MS4A4A: variants seen among roughly 807,000 people sequenced by gnomAD.
MS4A4A encodes membrane-spanning 4-domains subfamily A member 4A.
MS4A4A carries 26 observed loss-of-function variants against 28.0 expected under a neutral mutation model. The observed-to-expected ratio is 0.93, with a 90% CI of 0.68 to 1.29. The LOEUF (loss-of-function observed/expected upper bound fraction) is 1.29, where lower values mean the gene tolerates loss of function less well. Among genes scored for constraint, MS4A4A ranks in the 50% most tolerant of loss-of-function variants. The pLI is 0.00. For synonymous variants in MS4A4A, 86 were observed against 100.8 expected, an observed-to-expected ratio of 0.85 and a Z score of 0.88; for missense variants, 290 against 293.1, an observed-to-expected ratio of 0.99 and a Z score of 0.08.
intron 1 of MS4A4A, among the ~76,000 whole-genome samples, chr11:60,284,147 C>T (rs1188998596): frequency 3.3e-5 from 5 of 152,188 alleles, no homozygotes; most frequent in Non-Finnish European, 5.9e-5. Context: ...TAAATTTTGG[C>T]CCTGCCACTG....
At chr11:60,300,091 T>C (rs2084938734) in intron 3 of MS4A4A, among the ~76,000 whole-genome samples, 1 of 152,192 alleles carries the variant, frequency 6.6e-6, no homozygotes, top group Admixed American at 6.5e-5. Context: ...TTTTATTAGT[T>C]CTGTATTTTT....
intron 6 of MS4A4A, among the ~76,000 whole-genome samples, chr11:60,306,759 G>T (rs957310750): frequency 1.3e-5 from 2 of 152,188 alleles, no homozygotes; most frequent in Non-Finnish European, 2.9e-5. Flanking sequence ...CCCTCGAAGT[G>T]CATAACCTCT....
intron 1 of MS4A4A, 110 bp from the exon 2 acceptor site, chr11:60,292,115 G>A: frequency 7.7e-7 from 1 of 1,306,258 alleles, no homozygotes; most frequent in Non-Finnish European, 1.0e-6. Flanking sequence ...TTATGATATG[G>A]GAAGAGAATG....
intron 3 of MS4A4A, among the ~76,000 whole-genome samples, chr11:60,300,024 T>C (rs2084938244): frequency 6.6e-6 from 1 of 152,230 alleles, no homozygotes; most frequent in Non-Finnish European, 1.5e-5. Flanking sequence ...GTGATTTAGA[T>C]ATCATGAATC....
At chr11:60,281,973 A>G (rs2084758487) in intron 1 of MS4A4A, among the ~76,000 whole-genome samples, 1 of 152,196 alleles carries the variant, frequency 6.6e-6, no homozygotes, top group Non-Finnish European at 1.5e-5. Context: ...GATGGTAAAC[A>G]CGTTTTTGTT....
At chr11:60,301,420 ATGTAGACTCCAAC>A (rs2135029703) in intron 4 of MS4A4A, among the ~76,000 whole-genome samples, 1 of 152,218 alleles carries the variant, frequency 6.6e-6, no homozygotes, top group East Asian at 1.9e-4. Flanking sequence ...ATTGATTATA[ATGTAGACTCCAAC>A]TGTGTCCAGA....
rs201354974 is a variant in MS4A4A, at chr11:60,302,638, C to T, written c.467C>T (p.Ala156Val). 1.4e-4 allele frequency: 225 copies of T among 1,613,790 alleles called. No individual in the cohort carries two copies. In the East Asian group the frequency reaches 2.5e-3, roughly 18 times the overall value. Residue 156 changes from alanine (A) to valine (V), a missense_variant, in exon 5 of 7, where the codon GCG (alanine) becomes GTG (valine). By Grantham distance (64) the Ala-to-Val change is moderately conservative. Coordinates refer to ENST00000337908, the MANE Select transcript of MS4A4A (RefSeq NM_148975.3). ...ATCTTAATCAACACATTTAGCTTGG[C>T]GTTTTATTCATTCCATCACCCTTAC... is the stretch of plus-strand genomic sequence containing the variant. ...SGILINTFSL[A>V]FYSFHHPYCN... is the part of the protein sequence containing the mutation.
At chr11:60,305,469 A>G (rs1285535914) in intron 5 of MS4A4A, among the ~76,000 whole-genome samples, 1 of 152,158 alleles carries the variant, frequency 6.6e-6, no homozygotes. Flanking sequence ...TTGGTTTGTC[A>G]TCCCATCTTC....
chr11:60,307,508 T>C (rs1045709584), intron 6 of MS4A4A, among the ~76,000 whole-genome samples: 3 of 152,216 alleles, frequency 2.0e-5, no homozygotes, highest in African/African-American at 4.8e-5. Context: ...ATATTTAAGC[T>C]TGTGTTCCCT....
At chr11:60,292,957 CT>C (rs1247877428) in intron 2 of MS4A4A, among the ~76,000 whole-genome samples, 15 of 152,178 alleles carry the variant, frequency 9.9e-5, no homozygotes, top group African/African-American at 2.6e-4. Context: ...ATTCTGGATC[CT>C]TTTTTCACAT....
At chr11:60,299,649 A>G (rs1468261988) in intron 3 of MS4A4A, among the ~76,000 whole-genome samples, 1 of 151,560 alleles carries the variant, frequency 6.6e-6, no homozygotes, top group African/African-American at 2.4e-5. Flanking sequence ...ATTTTTTTGT[A>G]TTTTTAGTAC....
chr11:60,282,480 G>T (rs117160462), intron 1 of MS4A4A: 2 of 892,908 alleles, frequency 2.2e-6, no homozygotes, highest in Admixed American at 3.7e-5. Context: ...ATCCACATGT[G>T]GGCAATGGTG....
At chr11:60,294,086 G>A (rs934846178) in intron 2 of MS4A4A, among the ~76,000 whole-genome samples, 2 of 152,344 alleles carry the variant, frequency 1.3e-5, no homozygotes, top group Non-Finnish European at 2.9e-5. Flanking sequence ...AACAGTCAAT[G>A]AGTTCCTGCT....
chr11:60,286,151 C>T (rs772916491), intron 1 of MS4A4A, among the ~76,000 whole-genome samples: 8 of 152,208 alleles, frequency 5.3e-5, no homozygotes, highest in East Asian at 1.9e-4. Context: ...TGCCCGGCCC[C>T]GCAGGCAGTC....
At chr11:60,301,585 CTAGT>C (rs2084953173) in intron 4 of MS4A4A, among the ~76,000 whole-genome samples, 1 of 152,082 alleles carries the variant, frequency 6.6e-6, no homozygotes, top group African/African-American at 2.4e-5. Flanking sequence ...ATGTTTTTTT[CTAGT>C]TAAAGTCCAT....
chr11:60,300,388 G>A lies in MS4A4A; in HGVS notation c.331-613G>A, dbSNP rs928274632. Among the ~76,000 whole-genome samples the A allele has an allele frequency of 3.3e-5, 5 of 152,020 alleles. No homozygotes were observed. The East Asian group carries it at 7.7e-4, about 23-fold the overall frequency. ...TCCCAGCACTTTGGGAGGCCGAGGC[G>A]GGCGGATCACGAGGTCAGGAGATCA... is the stretch of plus-strand genomic sequence containing the variant. On this transcript the variant is annotated intron_variant, in intron 3 of 6. Transcript: ENST00000337908.
chr11:60,306,342 G>A, intron 6 of MS4A4A, 141 bp downstream of exon 6: 1 of 717,514 alleles, frequency 1.4e-6, no homozygotes, highest in Admixed American at 2.9e-5. Flanking sequence ...CCCAGCTGAA[G>A]TATGTCCTTG....
chr11:60,282,740 G>A (rs1438917724), intron 1 of MS4A4A: 50 of 1,268,568 alleles, frequency 3.9e-5, no homozygotes, highest in Non-Finnish European at 4.9e-5. Context: ...GAGATTCGAG[G>A]TAAGACTACA....
intron 5 of MS4A4A, among the ~76,000 whole-genome samples, chr11:60,304,895 C>A (rs1272438001): frequency 6.6e-6 from 1 of 152,178 alleles, no homozygotes; most frequent in Admixed American, 6.5e-5. Flanking sequence ...TCTGTGCCTA[C>A]AACAATGTTG....
Sources: gnomAD v4.1 joint callset for allele counts (sites outside exome capture counted in the v4.1 genomes callset) on GRCh38, gnomAD v4.1.1 for gene constraint, MANE v1.5 for transcripts, NCBI Gene and HGNC (gene_info 2026-07-23, HGNC 2026-07-21) for gene names.